MSMB: variants seen among roughly 807,000 people sequenced by gnomAD.
The protein encoded by MSMB is microseminoprotein beta, also known as beta-microseminoprotein.
A neutral mutation model predicts 10.5 loss-of-function variants in MSMB; 10 were observed. The ratio of observed to expected loss-of-function variants is 0.95; its 90% CI spans 0.59 to 1.62. The LOEUF (loss-of-function observed/expected upper bound fraction) is 1.62. Among genes scored for constraint, MSMB ranks in the 40% most tolerant of loss-of-function variants. MSMB has a pLI of 0.00. For synonymous variants in MSMB, 43 were observed against 46.5 expected (o/e 0.93, Z 0.30); for missense variants, 126 against 137.4 (o/e 0.92, Z 0.42).
At chr10:46,044,206 C>G (rs946730242) in intron 1 of MSMB, among the ~76,000 whole-genome samples, 1 of 152,082 alleles carries the variant, frequency 6.6e-6, no homozygotes, top group East Asian at 1.9e-4. Flanking sequence ...GATTACACCA[C>G]GACGCCAGAA....
At chr10:46,040,863 A>G (rs1840729510) in intron 1 of MSMB, among the ~76,000 whole-genome samples, 1 of 151,966 alleles carries the variant, frequency 6.6e-6, no homozygotes, top group Admixed American at 6.6e-5. Flanking sequence ...CTGAGGCAGG[A>G]GAATGGCACG....
intron 3 of MSMB, among the ~76,000 whole-genome samples, chr10:46,036,341 A>G (rs1016426291): frequency 6.6e-6 from 1 of 152,204 alleles, no homozygotes; most frequent in Non-Finnish European, 1.5e-5. Context: ...AGTTCATGAG[A>G]AAAACAAAGG....
rs1554927087 is a variant in MSMB at position 46,033,479 on chromosome 10, G to C, written c.288C>G (p.Ile96Met). 6.2e-7 allele frequency: 1 copy of C among 1,613,954 alleles called. No homozygotes were observed. Among genetic ancestry groups the C allele is most frequent in the Non-Finnish European group, 8.5e-7 (1 of 1,179,884 alleles). ...TTTTTGGGTCCTTCTTCTCCACCAC[G>C]ATATACTTGCAGTCCTCCTTCTTGA... ...RIFKKEDCKYIVVEKKDPKKT... is the reference protein window; with the variant it reads ...RIFKKEDCKYMVVEKKDPKKT... Residue 96 changes from isoleucine (I) to methionine (M), a missense_variant, in exon 4 of 4, where the codon ATC becomes ATG. Physicochemically the swap from Ile to Met is conservative, Grantham distance 10 (BLOSUM62 1). Coordinates refer to ENST00000582163, the MANE Select transcript of MSMB (RefSeq NM_002443.4).
chr10:46,034,791 C>G (rs1554927348), intron 3 of MSMB, among the ~76,000 whole-genome samples: 1 of 150,590 alleles, frequency 6.6e-6, no homozygotes, highest in Admixed American at 6.6e-5. Context: ...CACCACTGCA[C>G]TCCATCCTGG....
At chr10:46,034,574 C>T in intron 3 of MSMB, among the ~76,000 whole-genome samples, 1 of 151,674 alleles carries the variant, frequency 6.6e-6, no homozygotes, top group East Asian at 1.9e-4. Context: ...GCCTGTAATC[C>T]CAGCACCTTG....
chr10:46,034,432 G>C (rs1256546384), intron 3 of MSMB, among the ~76,000 whole-genome samples: 2 of 151,440 alleles, frequency 1.3e-5, no homozygotes, highest in Non-Finnish European at 2.9e-5. Flanking sequence ...GCCCAGCCCA[G>C]TGCTAGAATA....
intron 1 of MSMB, among the ~76,000 whole-genome samples, chr10:46,043,358 T>A (rs1840795115): frequency 1.3e-5 from 2 of 152,300 alleles, no homozygotes; most frequent in South Asian, 4.1e-4. Flanking sequence ...ATTTTGAGAT[T>A]ATCCACTTGA....
At position 46,040,023 on chromosome 10, in the gene MSMB, G is replaced by A. The variant is rs1554928220; in HGVS notation, c.72C>T (p.Phe24=). Residue 24 remains phenylalanine, a synonymous_variant, in exon 2 of 4, where the codon TTC becomes TTT. Transcript: ENST00000582163. ...CTCCTGGAACTCCCTCATTAGGTAT[G>A]AAATAGCATGATGCATTGCATAAAG... ...FVTLCNASCY[F]IPNEGVPGDS... is the part of the protein sequence containing the mutation. 1.2e-6 allele frequency: 2 copies of A among 1,613,988 alleles called. No homozygotes were observed. Among genetic ancestry groups the A allele is most frequent in the Admixed American group, 3.3e-5 (2 of 60,008 alleles).
chr10:46,033,601 C>G (rs782717677), intron 3 of MSMB, 50 bp from the exon 4 acceptor site: 1 of 1,603,952 alleles, frequency 6.2e-7, no homozygotes, highest in South Asian at 1.1e-5. Context: ...GGACCCCGAG[C>G]ACCCCCTCCC....
rs1474498680 is a variant in MSMB at position 46,033,351 on chromosome 10, C to T, written c.*71G>A. Reference sequence around the variant, plus strand: ...CTTTTTACTGATAGGCATGGCTACACAATCATTGACTATTAGAGGCCAGAG... The same window carrying T: ...CTTTTTACTGATAGGCATGGCTACATAATCATTGACTATTAGAGGCCAGAG... On this transcript the variant is annotated 3_prime_UTR_variant, in exon 4 of 4. Transcript: ENST00000582163. The T allele has an allele frequency of 3.8e-6, 6 of 1,563,302 alleles. No individual in the cohort carries two copies. The highest frequency in any genetic ancestry group is 1.4e-5 in the African/African-American group (1 of 72,908).
intron 1 of MSMB, among the ~76,000 whole-genome samples, chr10:46,045,508 G>C (rs1840874723): frequency 6.6e-6 from 1 of 152,108 alleles, no homozygotes; most frequent in Non-Finnish European, 1.5e-5. Flanking sequence ...ACTCCAGCCT[G>C]GGCAACAGAG....
intron 3 of MSMB, among the ~76,000 whole-genome samples, chr10:46,037,165 G>C (rs1218885896): frequency 2.0e-5 from 3 of 152,204 alleles, no homozygotes; most frequent in African/African-American, 7.2e-5. Context: ...TCAAGTGCTT[G>C]CTTCTTTACT....
Position 46,039,077 on chromosome 10 carries a change from A to G in MSMB, c.110-6T>C, listed in dbSNP as rs1554928017. 14 of 1,612,400 alleles carry G rather than the reference A, an allele frequency of 8.7e-6. No individual in the cohort carries two copies. The highest frequency in any genetic ancestry group is 9.3e-6 in the Non-Finnish European group (11 of 1,178,626). ...TCCTTTGAGATCCATGCATTCTAAAATAATACACACAACATCATCAGTGCA... is the reference window on the plus strand; with the variant it reads ...TCCTTTGAGATCCATGCATTCTAAAGTAATACACACAACATCATCAGTGCA... On this transcript the variant is annotated splice_polypyrimidine_tract_variant and splice_region_variant and intron_variant, in intron 2 of 3. Transcript: ENST00000582163.
chr10:46,043,691 T>G (rs992891728), intron 1 of MSMB, among the ~76,000 whole-genome samples: 6 of 152,130 alleles, frequency 3.9e-5, no homozygotes, highest in African/African-American at 1.4e-4. Flanking sequence ...TTGTTTCTTT[T>G]TGGGACGGAA....
intron 3 of MSMB, among the ~76,000 whole-genome samples, chr10:46,036,548 T>C (rs370026590): frequency 6.6e-6 from 1 of 152,140 alleles, no homozygotes; most frequent in Admixed American, 6.5e-5. Flanking sequence ...AAAGAATATA[T>C]ACACAGAATC....
At position 46,043,435 on chromosome 10, in the gene MSMB, GTCTC is replaced by G. The variant is rs149445497; in HGVS notation, c.3+2796_3+2799del. Among the ~76,000 whole-genome samples, 10 of 124,448 alleles carry G rather than the reference GTCTC, an allele frequency of 8.0e-5. No individual in the cohort carries two copies. The South Asian group carries it at 8.4e-4, about 10-fold the overall frequency. The allele number at this position is 124,448 out of a possible 152,430, so 81.6% of individuals were successfully genotyped here. ...TCCCTCCCTCCCTCCCTCCCTTTCTGTCTCTCTCTCTCTCTCTCTCTGAAACTCA... is the reference window on the plus strand; with the variant it reads ...TCCCTCCCTCCCTCCCTCCCTTTCTGTCTCTCTCTCTCTCTCTGAAACTCA... On this transcript the variant is annotated intron_variant, in intron 1 of 3. Transcript: ENST00000582163.
intron 2 of MSMB, 135 bp downstream of exon 2, chr10:46,039,851 C>T (rs1840701562): frequency 3.1e-6 from 2 of 650,442 alleles, no homozygotes; most frequent in Non-Finnish European, 5.2e-6. Flanking sequence ...CACTGCACTC[C>T]AGCCTGGGAG....
At chr10:46,036,473 G>T (rs924044867) in intron 3 of MSMB, among the ~76,000 whole-genome samples, 4 of 152,224 alleles carry the variant, frequency 2.6e-5, no homozygotes, top group Admixed American at 2.0e-4. Flanking sequence ...CCAGGTGTCA[G>T]TTACTGTCCC....
At chr10:46,040,236 G>C (rs1384238444) in intron 1 of MSMB, 145 bp from the exon 2 acceptor site, 1 of 493,538 alleles carries the variant, frequency 2.0e-6, no homozygotes, top group Non-Finnish European at 3.5e-6. Context: ...GTTAATCTAG[G>C]CTGAAATTGT....
Sources: allele counts gnomAD v4.1 joint callset (sites outside exome capture counted in the v4.1 genomes callset), GRCh38; gene constraint gnomAD v4.1.1; transcripts MANE v1.5; gene names NCBI Gene and HGNC (gene_info 2026-07-23, HGNC 2026-07-21).